The following PPFIA2 variants were observed in gnomAD, a reference collection of about 807,000 sequenced individuals.
PPFIA2 encodes the protein liprin-alpha-2.
PPFIA2 carries 46 observed loss-of-function variants against 175.5 expected under a neutral mutation model. The ratio of observed to expected loss-of-function variants is 0.26; its 90% CI spans 0.21 to 0.34. PPFIA2 has a LOEUF of 0.34. Among genes scored for constraint, PPFIA2 ranks in the 10% least tolerant of loss-of-function variants. The pLI, the probability that PPFIA2 is intolerant of heterozygous loss-of-function variation, is 1.00. For synonymous variants in PPFIA2, 568 were observed against 511.4 expected, an observed-to-expected ratio of 1.11 and a Z score of -1.49; for missense variants, 1,179 against 1,506.1, an observed-to-expected ratio of 0.78 and a Z score of 3.60.
At chr12:81,554,161 A>T (rs2068435808) in intron 4 of PPFIA2, among the ~76,000 whole-genome samples, 1 of 152,074 alleles carries the variant, frequency 6.6e-6, no homozygotes, top group African/African-American at 2.4e-5. Context: ...AGTCTGAACT[A>T]AAATGGCAAC....
At chr12:81,544,859 A>G (rs1234049747) in intron 4 of PPFIA2, among the ~76,000 whole-genome samples, 1 of 152,206 alleles carries the variant, frequency 6.6e-6, no homozygotes, top group Non-Finnish European at 1.5e-5. Context: ...CCTGAGCTCA[A>G]AAGCAATCAG....
chr12:81,382,975 T>C (rs147458624), intron 9 of PPFIA2, among the ~76,000 whole-genome samples: 173 of 152,092 alleles, frequency 1.1e-3, no homozygotes, highest in Non-Finnish European at 2.1e-3. Flanking sequence ...AGCAAGTAAA[T>C]ACGGATGAAA....
chr12:81,263,965 T>C (rs961782326), intron 30 of PPFIA2, among the ~76,000 whole-genome samples: 3 of 152,184 alleles, frequency 2.0e-5, no homozygotes, highest in Non-Finnish European at 4.4e-5. Context: ...AACTTGCAAT[T>C]TGTTGAAAAA....
chr12:81,442,063 T>C (rs935201060), intron 6 of PPFIA2, among the ~76,000 whole-genome samples: 5 of 152,030 alleles, frequency 3.3e-5, no homozygotes, highest in African/African-American at 4.8e-5. Context: ...TTCCAAACTG[T>C]TTTCTATTTA....
chr12:81,467,588 T>G (rs972517131), intron 4 of PPFIA2, among the ~76,000 whole-genome samples: 27 of 152,162 alleles, frequency 1.8e-4, no homozygotes, highest in African/African-American at 6.0e-4. Flanking sequence ...GTTACATTAT[T>G]TGAACATTTG....
chr12:81,354,984 C>T (rs1036749526), intron 16 of PPFIA2, among the ~76,000 whole-genome samples: 6 of 152,118 alleles, frequency 3.9e-5, no homozygotes, highest in African/African-American at 1.4e-4. Flanking sequence ...CATAAATGTT[C>T]TTAATGGCGC....
At chr12:81,643,407 A>G (rs2065630619) in intron 4 of PPFIA2, among the ~76,000 whole-genome samples, 1 of 151,994 alleles carries the variant, frequency 6.6e-6, no homozygotes, top group Non-Finnish European at 1.5e-5. Context: ...AAAGTCCAAT[A>G]AGTCTACAGC....
chr12:81,746,142 T>G (rs1000737772), intron 3 of PPFIA2, among the ~76,000 whole-genome samples: 1 of 144,386 alleles, frequency 6.9e-6, no homozygotes, highest in Non-Finnish European at 1.6e-5. Context: ...CACTTTAATA[T>G]CTGGGTGCTT....
At chr12:81,554,653 C>A (rs1369987905) in intron 4 of PPFIA2, among the ~76,000 whole-genome samples, 1 of 151,976 alleles carries the variant, frequency 6.6e-6, no homozygotes, top group Admixed American at 6.6e-5. Flanking sequence ...TTGCTCATGT[C>A]CTCAAAGCAA....
chr12:81,608,566 A>C (rs968183860), intron 4 of PPFIA2, among the ~76,000 whole-genome samples: 46 of 152,062 alleles, frequency 3.0e-4, no homozygotes, highest in African/African-American at 1.1e-3. Context: ...TCTAGATTTT[A>C]AAATTTGTGT....
intron 24 of PPFIA2, among the ~76,000 whole-genome samples, chr12:81,285,618 C>T (rs2043136452): frequency 6.6e-6 from 1 of 152,026 alleles, no homozygotes; most frequent in Admixed American, 6.6e-5. Flanking sequence ...GTTCCTGTCA[C>T]CTAGTGATAT....
At chr12:81,326,219 C>T (rs988735352) in intron 21 of PPFIA2, among the ~76,000 whole-genome samples, 1 of 152,016 alleles carries the variant, frequency 6.6e-6, no homozygotes, top group African/African-American at 2.4e-5. Context: ...ATCTATGCAG[C>T]GTGTGAGATT....
At chr12:81,571,226 G>T (rs901890237) in intron 4 of PPFIA2, among the ~76,000 whole-genome samples, 2 of 152,050 alleles carry the variant, frequency 1.3e-5, no homozygotes, top group African/African-American at 4.8e-5. Context: ...CTCTGATTTT[G>T]AATTTAATTG....
chr12:81,425,644 G>A (rs2047011445), intron 7 of PPFIA2, among the ~76,000 whole-genome samples: 1 of 152,276 alleles, frequency 6.6e-6, no homozygotes, highest in African/African-American at 2.4e-5. Flanking sequence ...AAAGTGCTGG[G>A]ATTACGGGCG....
chr12:81,412,025 C>T (rs1208144873), intron 7 of PPFIA2, among the ~76,000 whole-genome samples: 2 of 151,626 alleles, frequency 1.3e-5, no homozygotes, highest in Non-Finnish European at 2.9e-5. Flanking sequence ...AGATTTATAA[C>T]AATATTTCAG....
rs184022249 is a variant in PPFIA2 at position 81,322,491 on chromosome 12, G to A, written c.2642+3286C>T. 3.7e-3 allele frequency among the ~76,000 whole-genome samples: 561 copies of A among 152,134 alleles called. 3 individuals are homozygous for A. Among genetic ancestry groups the A allele is most frequent in the African/African-American group, 0.013 (532 of 41,516 alleles). Reference sequence around the variant, plus strand: ...AAGTGACTCACCCCTTAAATGTCAGGAGCCTACAGAGAAACTGCTCAAATT... The same window carrying A: ...AAGTGACTCACCCCTTAAATGTCAGAAGCCTACAGAGAAACTGCTCAAATT... On this transcript the variant is annotated intron_variant, in intron 22 of 32. Coordinates refer to ENST00000549396, the MANE Select transcript of PPFIA2 (RefSeq NM_003625.5).
intron 25 of PPFIA2, among the ~76,000 whole-genome samples, chr12:81,283,920 C>A (rs1438930090): frequency 6.6e-6 from 1 of 152,052 alleles, no homozygotes; most frequent in Non-Finnish European, 1.5e-5. Context: ...GGTTTAGAAA[C>A]ATGTTACCTG....
chr12:81,491,431 ATTGTC>A (rs1206144590), intron 4 of PPFIA2, among the ~76,000 whole-genome samples: 14 of 151,866 alleles, frequency 9.2e-5, no homozygotes, highest in Admixed American at 6.6e-5. Context: ...GATAAAATGA[ATTGTC>A]TTTATTTATT....
chr12:81,402,849 A>G lies in PPFIA2; in HGVS notation c.762+2938T>C, dbSNP rs922533151. Among the ~76,000 whole-genome samples the G allele has an allele frequency of 2.0e-5, 3 of 152,244 alleles. No individual in the cohort carries two copies. In the South Asian group the frequency reaches 6.2e-4, roughly 32 times the overall value. On this transcript the variant is annotated intron_variant, in intron 8 of 32. Transcript: ENST00000549396. The stretch of plus-strand genomic sequence containing the variant: ...AGCCTGGACTGTCTCAAAAATATGT[A>G]AATAAAAATAAATTTAAAAATGTGG...
Sources: gnomAD v4.1 joint callset for allele counts (sites outside exome capture counted in the v4.1 genomes callset) on GRCh38, gnomAD v4.1.1 for gene constraint, MANE v1.5 for transcripts, NCBI Gene and HGNC (gene_info 2026-07-23, HGNC 2026-07-21) for gene names.